Variants in MIER2 observed in about 807,000 individuals in gnomAD.
The protein encoded by MIER2 is mesoderm induction early response protein 2.
Under a neutral mutation model 67.6 loss-of-function variants are expected in MIER2, and 30 were observed. The observed-to-expected ratio is 0.44, with a 90% CI of 0.33 to 0.60. The LOEUF is 0.60. Among genes scored for constraint, MIER2 ranks in the 20% least tolerant of loss-of-function variants. MIER2 has a pLI of 0.02. For missense variants in MIER2, 702 were observed against 745.1 expected (o/e 0.94, Z 0.67); for synonymous variants, 372 against 312.6 (o/e 1.19, Z -2.00).
rs537911758 is a variant in MIER2 at position 308,193 on chromosome 19, C to A, written c.1198+384G>T. Among the ~76,000 whole-genome samples, 1 of 152,324 alleles carries A rather than the reference C, an allele frequency of 6.6e-6. No homozygotes were observed. The highest frequency in any genetic ancestry group is 1.5e-5 in the Non-Finnish European group (1 of 68,012). ...TCCGTCATGGCCTCAGGTGCAAGATCCTGGCGACGGCTCCGGACACCCTGT... is the reference window on the plus strand; with the variant it reads ...TCCGTCATGGCCTCAGGTGCAAGATACTGGCGACGGCTCCGGACACCCTGT... On this transcript the variant is annotated intron_variant, in intron 12 of 13. Transcript: ENST00000264819. The surrounding 1 kb of genome is among the most constrained non-coding windows in gnomAD (Gnocchi z 9.1).
intron 7 of MIER2, among the ~76,000 whole-genome samples, chr19:325,062 C>T (rs1350979194): frequency 1.3e-5 from 2 of 152,242 alleles, no homozygotes; most frequent in East Asian, 3.9e-4. Context: ...GGAGAAGGCT[C>T]CTGAGCTAGG....
In MIER2 at chr19:327,743, A is replaced by G. The variant is rs918023269; in HGVS notation, c.369+121T>C. 5 of 1,464,682 alleles carry G rather than the reference A, an allele frequency of 3.4e-6. No individual in the cohort carries two copies. In the African/African-American group the frequency reaches 5.7e-5, roughly 17 times the overall value. 90.7% of individuals were successfully genotyped at this position (1,464,682 alleles called of 1,614,324 possible). A position where few individuals can be genotyped will look rare whatever the true frequency, so the allele number is the denominator to read the frequency against. On this transcript the variant is annotated intron_variant, in intron 4 of 13. Coordinates refer to ENST00000264819, the MANE Select transcript of MIER2 (RefSeq NM_017550.3). ...ACCCCAGGGTAGTGGTCACAGGTAC[A>G]TTCTACTTATTCTGGGGGCCTTTGT...
At chr19:310,576 ACGGCCGG>A (rs1970922749) in intron 10 of MIER2, among the ~76,000 whole-genome samples, 1 of 146,920 alleles carries the variant, frequency 6.8e-6, no homozygotes, top group Non-Finnish European at 1.5e-5. Context: ...CTATAGAAAC[ACGGCCGG>A]GAGCTGCAGA....
chr19:334,338 T>C, intron 3 of MIER2, 62 bp downstream of exon 3: 3 of 1,602,078 alleles, frequency 1.9e-6, no homozygotes, highest in South Asian at 1.1e-5. Flanking sequence ...TGCACAAAAC[T>C]CATGAGGCTT....
At chr19:314,669 T>G (rs901961279) in intron 7 of MIER2, among the ~76,000 whole-genome samples, 1 of 151,606 alleles carries the variant, frequency 6.6e-6, no homozygotes, top group Non-Finnish European at 1.5e-5. Flanking sequence ...CAGCCACCTT[T>G]CTCCATCTCC....
In MIER2 at chr19:308,366, G is replaced by C. The variant is rs941116316; in HGVS notation, c.1198+211C>G. Among the ~76,000 whole-genome samples the C allele has an allele frequency of 1.3e-5, 2 of 152,150 alleles. No homozygotes were observed. Among genetic ancestry groups the C allele is most frequent in the Non-Finnish European group, 2.9e-5 (2 of 68,008 alleles). ...CATGCACCCCTCCAGCAAGCCCAGAGGGTAAGCGTAATCCCTGCCCTCCCC... is the reference window on the plus strand; with the variant it reads ...CATGCACCCCTCCAGCAAGCCCAGACGGTAAGCGTAATCCCTGCCCTCCCC... On this transcript the variant is annotated intron_variant, in intron 12 of 13. Coordinates refer to ENST00000264819, the MANE Select transcript of MIER2 (RefSeq NM_017550.3). This position sits in a 1 kb window ranked among gnomAD's most constrained non-coding sequence, Gnocchi z 9.1.
intron 12 of MIER2, 147 bp from the exon 13 acceptor site, chr19:307,683 C>T (rs550576425): frequency 3.5e-6 from 3 of 868,260 alleles, no homozygotes; most frequent in East Asian, 5.5e-5. Flanking sequence ...ACCAGTTACA[C>T]TGAAATCCGC....
At position 334,553 on chromosome 19, in the gene MIER2, G is replaced by C. The variant is rs1346479855; in HGVS notation, c.101-11C>G. 1.9e-6 allele frequency: 3 copies of C among 1,613,070 alleles called. No individual in the cohort carries two copies. Among genetic ancestry groups the C allele is most frequent in the East Asian group, 2.2e-5 (1 of 44,874 alleles). The stretch of plus-strand genomic sequence containing the variant: ...AGCCCATGGACACCACTGGGGAGAA[G>C]AGAGCAGCCCAGGTGAGCACCGTGC... On this transcript the variant is annotated splice_polypyrimidine_tract_variant and intron_variant, in intron 2 of 13. Transcript: ENST00000264819.
chr19:308,292 T>C lies in MIER2; in HGVS notation c.1198+285A>G, dbSNP rs1970756874. Among the ~76,000 whole-genome samples, 1 of 152,128 alleles carries C rather than the reference T, an allele frequency of 6.6e-6. No individual in the cohort carries two copies. Among genetic ancestry groups the C allele is most frequent in the Non-Finnish European group, 1.5e-5 (1 of 68,000 alleles). ...AAGGCCCTCCCCGGAGACTGAGGCC[T>C]GGTAAATACCCCAACCTCACCATAC... On this transcript the variant is annotated intron_variant, in intron 12 of 13. Transcript: ENST00000264819. The surrounding 1 kb of genome is among the most constrained non-coding windows in gnomAD (Gnocchi z 9.1).
At chr19:329,074 C>T (rs1971902141) in intron 3 of MIER2, among the ~76,000 whole-genome samples, 1 of 152,206 alleles carries the variant, frequency 6.6e-6, no homozygotes, top group African/African-American at 2.4e-5. Flanking sequence ...AGACTCCACG[C>T]TGATCCCTGT....
chr19:313,124 C>T (rs1447723040), intron 8 of MIER2, among the ~76,000 whole-genome samples: 5 of 130,244 alleles, frequency 3.8e-5, no homozygotes, highest in Admixed American at 2.5e-4. Context: ...CATCAGGGGC[C>T]GTCCACACCA....
chr19:307,661 A>G, intron 12 of MIER2, 125 bp from the exon 13 acceptor site: 1 of 1,031,048 alleles, frequency 9.7e-7, no homozygotes, highest in Non-Finnish European at 1.3e-6. Context: ...CCTCCACACA[A>G]ATACAAAAGA....
At chr19:340,328 C>A (rs1450153486) in intron 1 of MIER2, among the ~76,000 whole-genome samples, 1 of 152,202 alleles carries the variant, frequency 6.6e-6, no homozygotes, top group Non-Finnish European at 1.5e-5. Context: ...GGTGAAAACC[C>A]ATGCATGACT....
chr19:337,900 G>T (rs10409321), intron 1 of MIER2, among the ~76,000 whole-genome samples: 1 of 123,346 alleles, frequency 8.1e-6, no homozygotes, highest in Admixed American at 8.4e-5. Flanking sequence ...AAGGCTGGGC[G>T]CAGTGGCTCA....
At chr19:322,188 A>G (rs1383016727) in intron 7 of MIER2, among the ~76,000 whole-genome samples, 1 of 152,170 alleles carries the variant, frequency 6.6e-6, no homozygotes, top group Non-Finnish European at 1.5e-5. Context: ...TACAGGTGTG[A>G]GCCACCACGC....
intron 10 of MIER2, among the ~76,000 whole-genome samples, chr19:311,354 G>A (rs1970990660): frequency 6.6e-6 from 1 of 152,254 alleles, no homozygotes; most frequent in South Asian, 2.1e-4. Context: ...AGAGGACGTG[G>A]GGAAGGTCTA....
intron 7 of MIER2, among the ~76,000 whole-genome samples, chr19:320,786 C>T (rs907459471): frequency 2.0e-5 from 3 of 152,176 alleles, no homozygotes; most frequent in African/African-American, 7.2e-5. Flanking sequence ...GTCCCTGGTG[C>T]CAAAAAAGGT....
At chr19:330,716 T>C (rs896750647) in intron 3 of MIER2, among the ~76,000 whole-genome samples, 17 of 152,086 alleles carry the variant, frequency 1.1e-4, no homozygotes, top group African/African-American at 4.1e-4. Flanking sequence ...ACAGGATTAG[T>C]GTCCTTTCAA....
At chr19:321,598 T>A (rs996936181) in intron 7 of MIER2, among the ~76,000 whole-genome samples, 2 of 151,906 alleles carry the variant, frequency 1.3e-5, no homozygotes, top group Non-Finnish European at 2.9e-5. Context: ...GAGCTGAGAT[T>A]ATGCCACTGC....
Sources: gnomAD v4.1 joint callset for allele counts (sites outside exome capture counted in the v4.1 genomes callset) on GRCh38, gnomAD v4.1.1 for gene constraint, Gnocchi (gnomAD v3.1) non-coding constraint, MANE v1.5 for transcripts, NCBI Gene and HGNC (gene_info 2026-07-23, HGNC 2026-07-21) for gene names.